Variants in BAZ2B observed in about 807,000 individuals in gnomAD.
BAZ2B encodes the protein bromodomain adjacent to zinc finger domain 2B, also known as bromodomain adjacent to zinc finger domain protein 2B.
In BAZ2B, 91 loss-of-function variants were observed where a neutral mutation model predicts 246.0. The ratio of observed to expected loss-of-function variants is 0.37; its 90% confidence interval spans 0.31 to 0.44. The LOEUF is 0.44. Ranked by LOEUF, BAZ2B falls within the 20% of genes least tolerant of loss-of-function variation. BAZ2B has a pLI of 1.00. For missense variants in BAZ2B, 2,332 were observed against 2,533.7 expected, an observed-to-expected ratio of 0.92 and a Z score of 1.71; for synonymous variants, 855 against 860.0, an observed-to-expected ratio of 0.99 and a Z score of 0.10.
chr2:159,422,839 G>A (rs902232122), intron 13 of BAZ2B, among the ~76,000 whole-genome samples: 1 of 152,024 alleles, frequency 6.6e-6, no homozygotes, highest in Non-Finnish European at 1.5e-5. Flanking sequence ...TCTAGACTCT[G>A]TAAGAAACTT....
chr2:159,518,864 T>A (rs929229092), intron 2 of BAZ2B, among the ~76,000 whole-genome samples: 1 of 152,160 alleles, frequency 6.6e-6, no homozygotes, highest in Admixed American at 6.5e-5. Context: ...AATTACAAAA[T>A]TCTCATTCTC....
At chr2:159,389,592 ACTCT>A (rs1295737759) in intron 20 of BAZ2B, 107 bp from the exon 21 acceptor site, 5 of 996,648 alleles carry the variant, frequency 5.0e-6, no homozygotes, top group Admixed American at 3.7e-5. Flanking sequence ...CATTAATCTT[ACTCT>A]CTAATTTTCA....
At chr2:159,510,707 T>C (rs968592438) in intron 2 of BAZ2B, among the ~76,000 whole-genome samples, 7 of 152,230 alleles carry the variant, frequency 4.6e-5, no homozygotes, top group Non-Finnish European at 1.0e-4. Context: ...CTGTATGGTA[T>C]GTGAATTATA....
chr2:159,442,343 G>A (rs757415075), intron 6 of BAZ2B, among the ~76,000 whole-genome samples: 2 of 152,152 alleles, frequency 1.3e-5, no homozygotes, highest in African/African-American at 4.8e-5. Flanking sequence ...TTAGAGCATA[G>A]TGAACCAGGG....
At chr2:159,524,732 T>A (rs2084541486) in intron 2 of BAZ2B, among the ~76,000 whole-genome samples, 2 of 152,250 alleles carry the variant, frequency 1.3e-5, no homozygotes, top group Admixed American at 1.3e-4. Flanking sequence ...TTACATAATT[T>A]TTTTGTAAGT....
the BAZ2B span, among the ~76,000 whole-genome samples, chr2:159,674,396 A>AAAGAG: frequency 9.9e-6 from 1 of 100,580 alleles, no homozygotes; most frequent in East Asian, 2.4e-4. Flanking sequence ...AAAGAAAAGA[A>AAAGAG]AAGAGAAGAG....
In BAZ2B at chr2:159,446,994, CAT is replaced by C. The variant is rs745993673; in HGVS notation, c.503-21_503-20del. ...TTTACACCTTGAAAATAAAAATAAA[CAT>C]GTTTATACAATGGAATATTATTGCA... On this transcript the variant is annotated intron_variant, in intron 5 of 36. Coordinates refer to ENST00000392783, the MANE Select transcript of BAZ2B (RefSeq NM_013450.4). 91 of 1,480,414 alleles carry C rather than the reference CAT, an allele frequency of 6.1e-5. No individual in the cohort carries two copies. Among genetic ancestry groups the C allele is most frequent in the Non-Finnish European group, 7.8e-5 (86 of 1,101,198 alleles). The allele number at this position is 1,480,414 out of a possible 1,614,324, so 91.7% of individuals were successfully genotyped here.
At chr2:159,322,344 C>A (rs1346312726) in intron 36 of BAZ2B, among the ~76,000 whole-genome samples, 1 of 152,128 alleles carries the variant, frequency 6.6e-6, no homozygotes, top group Non-Finnish European at 1.5e-5. Flanking sequence ...ACTGTATTAT[C>A]GTCACTTCTA....
At chr2:159,686,247 T>C in the BAZ2B span, among the ~76,000 whole-genome samples, 2 of 152,138 alleles carry the variant, frequency 1.3e-5, no homozygotes, top group African/African-American at 2.4e-5. Context: ...GCTTGAGCTA[T>C]AGAGCTACTT....
chr2:159,371,544 T>A (rs1399486761), intron 27 of BAZ2B, among the ~76,000 whole-genome samples: 1 of 152,236 alleles, frequency 6.6e-6, no homozygotes, highest in Admixed American at 6.5e-5. Context: ...ACCTTCAAGA[T>A]CCTTCTTTCT....
chr2:159,523,356 T>C (rs1304199218), intron 2 of BAZ2B, among the ~76,000 whole-genome samples: 1 of 152,136 alleles, frequency 6.6e-6, no homozygotes, highest in Non-Finnish European at 1.5e-5. Flanking sequence ...GAGCTATGAC[T>C]GTGCCACTGC....
At chr2:159,517,530 CCTAA>C (rs1182480060) in intron 2 of BAZ2B, among the ~76,000 whole-genome samples, 6 of 151,928 alleles carry the variant, frequency 3.9e-5, no homozygotes, top group Admixed American at 1.3e-4. Context: ...GCATCAATAT[CCTAA>C]CTATTTAGAA....
rs2062560375 is a variant in BAZ2B, at chr2:159,320,339, C to T, written c.6433G>A (p.Asp2145Asn). Residue 2145 changes from aspartate (D) to asparagine (N), a missense_variant, in exon 37 of 37, where the codon GAT (aspartate) becomes AAT (asparagine). Physicochemically the swap from Asp to Asn is conservative, Grantham distance 23 (BLOSUM62 1). Around this residue, in one of 9 missense-constraint regions of BAZ2B, gnomAD observed 210 missense variants for 232.5 expected, o/e 0.90. Coordinates refer to ENST00000392783, the MANE Select transcript of BAZ2B (RefSeq NM_013450.4). ...ATATTGTGGCCAGCTCTGCCTATAT[C>T]AGAATCATCTTCATTAAATGTTTCA... Reference protein sequence around the residue: ...NCETFNEDDSDIGRAGHNMRK... With the variant: ...NCETFNEDDSNIGRAGHNMRK... 6.3e-7 allele frequency: 1 copy of T among 1,583,106 alleles called. No homozygotes were observed. Among genetic ancestry groups the T allele is most frequent in the African/African-American group, 1.4e-5 (1 of 72,568 alleles).
chr2:159,492,509 T>C (rs559235036), intron 2 of BAZ2B, among the ~76,000 whole-genome samples: 2 of 152,386 alleles, frequency 1.3e-5, no homozygotes, highest in East Asian at 1.9e-4. Flanking sequence ...GTAGAAATCA[T>C]GTTTTTAGTA....
At chr2:159,390,568 C>T (rs189105565) in intron 20 of BAZ2B, among the ~76,000 whole-genome samples, 12 of 152,124 alleles carry the variant, frequency 7.9e-5, no homozygotes, top group Admixed American at 6.6e-4. Context: ...ATCTCCATTT[C>T]GATTATCACT....
the BAZ2B span, among the ~76,000 whole-genome samples, chr2:159,700,914 T>C: frequency 6.6e-6 from 1 of 152,308 alleles, no homozygotes; most frequent in Admixed American, 6.5e-5. Context: ...TTTCATAAAG[T>C]GATGTCTAAT....
the BAZ2B span, chr2:159,711,795 C>A: frequency 1.3e-5 from 2 of 152,138 alleles, no homozygotes; most frequent in Non-Finnish European, 2.9e-5. Context: ...GACCATTCAC[C>A]TCACAATTTT....
chr2:159,689,983 G>T, the BAZ2B span: 1 of 378,992 alleles, frequency 2.6e-6, no homozygotes, highest in Non-Finnish European at 4.9e-6. Flanking sequence ...GCCATTTTTT[G>T]ACCATAGAAC....
At chr2:159,427,657 A>C (rs530496164) in intron 13 of BAZ2B, among the ~76,000 whole-genome samples, 1 of 152,290 alleles carries the variant, frequency 6.6e-6, no homozygotes, top group South Asian at 2.1e-4. Context: ...TTTCATATGA[A>C]GATGCAGATG....
Sources: allele counts gnomAD v4.1 joint callset (sites outside exome capture counted in the v4.1 genomes callset), GRCh38; gene constraint gnomAD v4.1.1; regional missense constraint gnomAD v4.1.1; transcripts MANE v1.5; gene names NCBI Gene and HGNC (gene_info 2026-07-23, HGNC 2026-07-21).